Variants in FAN1 observed in about 807,000 individuals in gnomAD.
The protein encoded by FAN1 is fanconi-associated nuclease 1.
FAN1 carries 91 observed loss-of-function variants against 104.9 expected under a neutral mutation model. The observed-to-expected ratio is 0.87, with a 90% CI of 0.73 to 1.03. The LOEUF is 1.03. Ranked by LOEUF, FAN1 falls within the 50% of genes least tolerant of loss-of-function variation. The pLI, the probability that FAN1 is intolerant of heterozygous loss-of-function variation, is 0.00. For missense variants in FAN1, 1,263 were observed against 1,239.9 expected (o/e 1.02, Z -0.28); for synonymous variants, 478 against 457.6 (o/e 1.04, Z -0.57).
chr15:30,924,458 G>A (rs871312), intron 8 of FAN1, among the ~76,000 whole-genome samples: 7,797 of 152,240 alleles, frequency 0.051, 317 homozygotes, highest in Admixed American at 0.13. Context: ...CCAGCAATGC[G>A]TGAGGTTTCT....
chr15:30,939,114 C>A (rs1679703942), intron 14 of FAN1: 1 of 985,444 alleles, frequency 1.0e-6, no homozygotes, highest in African/African-American at 1.7e-5. Flanking sequence ...GAGGTTACTA[C>A]TGCAGCAAGC....
Position 30,904,759 on chromosome 15 carries a change from G to A in FAN1, c.96G>A (p.Ser32=). The A allele has an allele frequency of 6.2e-7, 1 of 1,613,118 alleles. No homozygotes were observed. ...AAAAAGCATCTAATTCTATTATTTC[G>A]TGTTTTAACAATGCACCACCTGCTA... ...NKKKASNSII[S]CFNNAPPAKL... The change falls in exon 2 of 15, where the codon TCG becomes TCA. Residue 32 remains serine (S), a synonymous_variant. Coordinates refer to ENST00000362065, the MANE Select transcript of FAN1 (RefSeq NM_014967.5).
intron 13 of FAN1, among the ~76,000 whole-genome samples, chr15:30,930,995 C>T (rs532970613): frequency 2.6e-5 from 4 of 152,136 alleles, no homozygotes; most frequent in Admixed American, 6.5e-5. Flanking sequence ...GGGGTCACAA[C>T]GGGTGTGGAC....
In FAN1 at chr15:30,941,707, C is replaced by T. The variant is rs1281333094; in HGVS notation, c.*145C>T. 6.2e-7 allele frequency: 1 copy of T among 1,613,890 alleles called. No homozygotes were observed. Among genetic ancestry groups the T allele is most frequent in the South Asian group, 1.1e-5 (1 of 91,068 alleles). The stretch of plus-strand genomic sequence containing the variant: ...AGCAGGCCTCCAGGGGGCCACTGCG[C>T]TGTTGCCGCAGCATCCTGCTCAGTA... On this transcript the variant is annotated 3_prime_UTR_variant, in exon 15 of 15. Coordinates refer to ENST00000362065, the MANE Select transcript of FAN1 (RefSeq NM_014967.5).
chr15:30,929,143 C>A (rs1595869593), intron 11 of FAN1, 60 bp from the exon 12 acceptor site: 2 of 1,484,686 alleles, frequency 1.3e-6, no homozygotes, highest in East Asian at 2.4e-5. Context: ...CTGACTAGTC[C>A]TCTGGTGAAC....
chr15:30,927,896 C>G (rs2062505453), intron 10 of FAN1: 10 of 985,772 alleles, frequency 1.0e-5, no homozygotes, highest in Non-Finnish European at 9.6e-6. Flanking sequence ...CACCTGACTT[C>G]TGTCTCTCAG....
chr15:30,915,070 A>G (rs1402074560), intron 5 of FAN1, among the ~76,000 whole-genome samples: 1 of 152,228 alleles, frequency 6.6e-6, no homozygotes, highest in Non-Finnish European at 1.5e-5. Flanking sequence ...CCATCAGTGG[A>G]TGAATGGATA....
At chr15:30,925,606 C>T (rs1414085493) in intron 9 of FAN1, among the ~76,000 whole-genome samples, 183 bp from the exon 10 acceptor site, 1 of 152,222 alleles carries the variant, frequency 6.6e-6, no homozygotes, top group African/African-American at 2.4e-5. Flanking sequence ...TTGAGGCTCT[C>T]CCAGGGCCGG....
At chr15:30,932,928 G>A (rs961656158) in intron 13 of FAN1, among the ~76,000 whole-genome samples, 1 of 146,350 alleles carries the variant, frequency 6.8e-6, no homozygotes, top group Admixed American at 6.8e-5. Flanking sequence ...TTGCCATGTT[G>A]GCCAGGCTGG....
rs10608023 is a variant in FAN1, at chr15:30,940,274, A to ATACTT, written c.*4-1284_*4-1280dup. 4.1e-5 allele frequency: 40 copies of ATACTT among 984,984 alleles called. No individual in the cohort carries two copies. In the South Asian group the frequency reaches 4.2e-4, roughly 10 times the overall value. The allele number at this position is 984,984 out of a possible 1,614,324, so 61.0% of individuals were successfully genotyped here. A position where few individuals can be genotyped will look rare whatever the true frequency, so the allele number is the denominator to read the frequency against. On this transcript the variant is annotated intron_variant, in intron 14 of 14. Transcript: ENST00000362065. The stretch of plus-strand genomic sequence containing the variant: ...TAGGCTCTTGTCACACAGTTTGGAA[A>ATACTT]TACTTTACTTTAGAGAGATTCAGAT...
intron 2 of FAN1, chr15:30,906,247 G>A (rs553515489): frequency 6.0e-5 from 26 of 436,286 alleles, no homozygotes; most frequent in Middle Eastern, 5.4e-4. Context: ...CATTTTGAGC[G>A]TGTAATCAGG....
rs376174791 is a variant in FAN1 at position 30,910,790 on chromosome 15, G to C, written c.1552G>C (p.Gly518Arg). 1.4e-5 allele frequency: 23 copies of C among 1,613,824 alleles called. No individual in the cohort carries two copies. The highest frequency in any genetic ancestry group is 1.9e-5 in the Non-Finnish European group (22 of 1,179,892). ...CTGCACTTGGGGCAAGAATAAGCCTGGAATTGGTGCAGTGATTTTAAAAAG... is the reference window on the plus strand; with the variant it reads ...CTGCACTTGGGGCAAGAATAAGCCTCGAATTGGTGCAGTGATTTTAAAAAG... ...SVCTWGKNKP[G>R]IGAVILKRAK... Residue 518 changes from glycine to arginine, a missense_variant, in exon 4 of 15, where the codon GGA becomes CGA. This residue lies in a region of FAN1 where 581 missense variants were observed against 668.8 expected (regional missense o/e 0.87). Transcript: ENST00000362065.
At position 30,927,148 on chromosome 15, in the gene FAN1, G is replaced by A. The variant is rs896624702; in HGVS notation, c.2488+1209G>A. 1.2e-5 allele frequency: 11 copies of A among 922,286 alleles called. No homozygotes were observed. In the African/African-American group the frequency reaches 1.8e-4, roughly 15 times the overall value. The allele number at this position is 922,286 out of a possible 1,614,324, so 57.1% of individuals were successfully genotyped here. ...CTCTTGACCCCAGGAGGTCAAGGCT[G>A]CAGTGAGCCAAGATTGTGCCACTGC... On this transcript the variant is annotated intron_variant, in intron 10 of 14. Coordinates refer to ENST00000362065, the MANE Select transcript of FAN1 (RefSeq NM_014967.5).
Position 30,925,265 on chromosome 15 carries a change from G to A in FAN1, c.2311G>A (p.Glu771Lys), listed in dbSNP as rs755300513. Residue 771 changes from glutamate to lysine, a missense_variant, in exon 9 of 15, where the codon GAA (glutamate) becomes AAA (lysine). Coordinates refer to ENST00000362065, the MANE Select transcript of FAN1 (RefSeq NM_014967.5). ...CAAGCACCTCTTCCAGCAGCTCCCA[G>A]AAATGGCTGTGCAAGATGTGAAACA... is the stretch of plus-strand genomic sequence containing the variant. ...KFKHLFQQLP[E>K]MAVQDVKHVT... 1.1e-5 allele frequency: 17 copies of A among 1,614,032 alleles called. No individual in the cohort carries two copies. The Admixed American group carries it at 2.8e-4, about 27-fold the overall frequency.
In FAN1 at chr15:30,942,865, TCA is replaced by T. The variant is rs1566944471; in HGVS notation, c.*1305_*1306del. On this transcript the variant is annotated 3_prime_UTR_variant, in exon 15 of 15. Transcript: ENST00000362065. ...GTGTTTGGTTACGTGTGAGCCAACA[TCA>T]CGTTTTGTTAGCTGTGATTTACCTT... 1 of 1,543,318 alleles carries T rather than the reference TCA, an allele frequency of 6.5e-7. No individual in the cohort carries two copies. Among genetic ancestry groups the T allele is most frequent in the East Asian group, 2.4e-5 (1 of 41,706 alleles).
intron 3 of FAN1, among the ~76,000 whole-genome samples, chr15:30,909,459 A>C (rs1283330770): frequency 6.6e-6 from 1 of 152,208 alleles, no homozygotes; most frequent in Non-Finnish European, 1.5e-5. Flanking sequence ...TGGGAACTTG[A>C]TACTCAGTCC....
rs752301899 is a variant in FAN1, at chr15:30,905,456, T to C, written c.793T>C (p.Phe265Leu). ...ATTCTCAGATAATGCGATCATGTTATTCTCACCAGATTTCACTCTTAGGAA... is the reference window on the plus strand; with the variant it reads ...ATTCTCAGATAATGCGATCATGTTACTCTCACCAGATTTCACTCTTAGGAA... ...PGFSDNAIMLFSPDFTLRNTL... is the reference protein window; with the variant it reads ...PGFSDNAIMLLSPDFTLRNTL... The change falls in exon 2 of 15, where the codon TTC (phenylalanine) becomes CTC (leucine). Residue 265 changes from phenylalanine (F) to leucine (L), a missense_variant. Coordinates refer to ENST00000362065, the MANE Select transcript of FAN1 (RefSeq NM_014967.5). The C allele has an allele frequency of 1.2e-6, 2 of 1,613,982 alleles. No individual in the cohort carries two copies. Among genetic ancestry groups the C allele is most frequent in the Non-Finnish European group, 8.5e-7 (1 of 1,179,962 alleles).
rs765230239 is a variant in FAN1 at position 30,908,212 on chromosome 15, A to G, written c.1329A>G (p.Leu443=). 121 of 1,609,764 alleles carry G rather than the reference A, an allele frequency of 7.5e-5. No individual in the cohort carries two copies. The highest frequency in any genetic ancestry group is 9.8e-5 in the Non-Finnish European group (115 of 1,178,232). Residue 443 remains leucine, a synonymous_variant, in exon 3 of 15, where the codon TTA becomes TTG. Coordinates refer to ENST00000362065, the MANE Select transcript of FAN1 (RefSeq NM_014967.5). ...AGTATGAAGAGATTGCCTTAGACTT[A>G]ACACCTGTGATTGAAGAATTGACGA... is the stretch of plus-strand genomic sequence containing the variant. ...KLEYEEIALD[L]TPVIEELTNA... is the part of the protein sequence containing the mutation.
chr15:30,919,550 G>A (rs557610469), intron 6 of FAN1, among the ~76,000 whole-genome samples: 59 of 151,824 alleles, frequency 3.9e-4, no homozygotes, highest in Non-Finnish European at 7.8e-4. Flanking sequence ...AATTAGGTGG[G>A]TGTTGTGACG....
Sources: allele counts gnomAD v4.1 joint callset (sites outside exome capture counted in the v4.1 genomes callset), GRCh38; gene constraint gnomAD v4.1.1; regional missense constraint gnomAD v4.1.1; transcripts MANE v1.5; gene names NCBI Gene and HGNC (gene_info 2026-07-23, HGNC 2026-07-21).